The following GHR variants were observed in gnomAD, a reference collection of about 807,000 sequenced individuals.
The protein encoded by GHR is growth hormone receptor, also known as GH receptor.
A neutral mutation model predicts 67.1 loss-of-function variants in GHR; 35 were observed. The ratio of observed to expected loss-of-function variants is 0.52; its 90% CI spans 0.40 to 0.69. GHR has a LOEUF of 0.69. Ranked by LOEUF, GHR falls within the 30% of genes least tolerant of loss-of-function variation. The pLI is 0.00. For missense variants in GHR, 792 were observed against 764.6 expected (o/e 1.04, Z -0.42); for synonymous variants, 272 against 269.1 (o/e 1.01, Z -0.10).
At chr5:42,652,743 T>C (rs954917402) in intron 3 of GHR, among the ~76,000 whole-genome samples, 1 of 152,134 alleles carries the variant, frequency 6.6e-6, no homozygotes, top group Non-Finnish European at 1.5e-5. Flanking sequence ...CTGAGGTAGG[T>C]ACTGTTATCC....
intron 1 of GHR, among the ~76,000 whole-genome samples, chr5:42,502,291 T>C (rs2112234583): frequency 6.6e-6 from 1 of 152,290 alleles, no homozygotes; most frequent in East Asian, 1.9e-4. Flanking sequence ...AATTATGTTC[T>C]TATGGCAATG....
chr5:42,666,190 A>G lies in GHR; in HGVS notation c.137-22700A>G, dbSNP rs368975069. ...TTTTTCCTTTTAAATAAGTTCTACT[A>G]TCTTAACTATCACTTTCAAATATAA... On this transcript the variant is annotated intron_variant, in intron 3 of 9. Coordinates refer to ENST00000230882, the MANE Select transcript of GHR (RefSeq NM_000163.5). Among the ~76,000 whole-genome samples the G allele has an allele frequency of 3.2e-4, 49 of 152,070 alleles. No homozygotes were observed. The South Asian group carries it at 0.01, about 32-fold the overall frequency.
chr5:42,547,266 C>A (rs962941691), intron 1 of GHR, among the ~76,000 whole-genome samples: 6 of 152,114 alleles, frequency 3.9e-5, no homozygotes, highest in African/African-American at 1.2e-4. Flanking sequence ...AGCTAAAGGC[C>A]CAGCTAATTC....
intron 4 of GHR, among the ~76,000 whole-genome samples, chr5:42,691,932 G>A (rs748404423): frequency 6.6e-5 from 10 of 152,216 alleles, no homozygotes; most frequent in African/African-American, 2.2e-4. Context: ...AAGCATGTTC[G>A]AGCTGCTCTG....
rs545816763 is a variant in GHR, at chr5:42,572,852, C to T, written c.70+6908C>T. On this transcript the variant is annotated intron_variant, in intron 2 of 9. Transcript: ENST00000230882. ...TAGAAACTTTCACTAACAAGCAGGACACAGGATTGGCAGAGAGGTGGGGGT... is the reference window on the plus strand; with the variant it reads ...TAGAAACTTTCACTAACAAGCAGGATACAGGATTGGCAGAGAGGTGGGGGT... 1.4e-4 allele frequency among the ~76,000 whole-genome samples: 22 copies of T among 152,192 alleles called. No individual in the cohort carries two copies. In the South Asian group the frequency reaches 4.6e-3, roughly 32 times the overall value.
At chr5:42,711,407 C>T (rs1177132274) in intron 7 of GHR, 35 bp downstream of exon 7, 1 of 1,505,680 alleles carries the variant, frequency 6.6e-7, no homozygotes, top group Non-Finnish European at 9.2e-7. Context: ...AGTAGCTAAC[C>T]TGGCTTTTGT....
intron 2 of GHR, among the ~76,000 whole-genome samples, chr5:42,611,608 A>G (rs988438082): frequency 3.3e-5 from 5 of 152,184 alleles, no homozygotes; most frequent in African/African-American, 1.2e-4. Flanking sequence ...GGAACAGACA[A>G]ATACACAGGT....
At chr5:42,496,370 T>C (rs1746319836) in intron 1 of GHR, among the ~76,000 whole-genome samples, 1 of 152,060 alleles carries the variant, frequency 6.6e-6, no homozygotes, top group Non-Finnish European at 1.5e-5. Context: ...TTTAGCAAAT[T>C]GGAGCAATTT....
intron 1 of GHR, among the ~76,000 whole-genome samples, chr5:42,491,080 AGC>A (rs1255216289): frequency 7.5e-4 from 115 of 152,364 alleles, no homozygotes; most frequent in Admixed American, 3.2e-3. Context: ...TAAACACTGG[AGC>A]TTATGCTGTG....
intron 3 of GHR, among the ~76,000 whole-genome samples, chr5:42,683,498 T>A (rs1381188040): frequency 6.6e-6 from 1 of 152,236 alleles, no homozygotes; most frequent in Non-Finnish European, 1.5e-5. Flanking sequence ...CACTCCATGC[T>A]GCCATATTCT....
At chr5:42,474,289 GAGAA>G (rs1554054570) in intron 1 of GHR, among the ~76,000 whole-genome samples, 1 of 24,006 alleles carries the variant, frequency 4.2e-5, no homozygotes, top group African/African-American at 1.3e-4. Context: ...GAAAGAAAAA[GAGAA>G]AGAGAAAGAA....
At chr5:42,425,825 T>G (rs963531935) in intron 1 of GHR, among the ~76,000 whole-genome samples, 3 of 152,182 alleles carry the variant, frequency 2.0e-5, no homozygotes, top group Non-Finnish European at 4.4e-5. Context: ...AGCTTTTTTT[T>G]ATTGGAGTAA....
chr5:42,585,824 C>T (rs1376147865), intron 2 of GHR, among the ~76,000 whole-genome samples: 3 of 151,282 alleles, frequency 2.0e-5, no homozygotes, highest in Non-Finnish European at 2.9e-5. Flanking sequence ...TCTAAGCTAA[C>T]ATTACTAACC....
At chr5:42,702,944 A>G (rs924665791) in intron 6 of GHR, among the ~76,000 whole-genome samples, 3 of 151,890 alleles carry the variant, frequency 2.0e-5, no homozygotes, top group African/African-American at 4.8e-5. Context: ...TTAGTTCCTT[A>G]TATATTTCAG....
intron 1 of GHR, chr5:42,465,606 T>G (rs1300560553): frequency 7.3e-6 from 8 of 1,101,884 alleles, no homozygotes; most frequent in Non-Finnish European, 8.3e-6. Context: ...TGAATGTATT[T>G]GGGGGACTCT....
rs1422545387 is a variant in GHR at position 42,424,229 on chromosome 5, G to GTGTGTGT, written c.-12+274_-12+275insTGTGTGT. The stretch of plus-strand genomic sequence containing the variant: ...GTGTGTGTGTGTGTGTCTGGAAGTT[G>GTGTGTGT]GTGAGGGCGGCAGGGAGTTGCGGGC... On this transcript the variant is annotated intron_variant, in intron 1 of 9. Coordinates refer to ENST00000230882, the MANE Select transcript of GHR (RefSeq NM_000163.5). The surrounding 1 kb of genome is among the most constrained non-coding windows in gnomAD (Gnocchi z 4.1). 1.6e-5 allele frequency among the ~76,000 whole-genome samples: 2 copies of GTGTGTGT among 122,800 alleles called. No homozygotes were observed. The highest frequency in any genetic ancestry group is 3.0e-5 in the African/African-American group (1 of 33,070). The allele number at this position is 122,800 out of a possible 152,430, so 80.6% of individuals were successfully genotyped here. A position where few individuals can be genotyped will look rare whatever the true frequency, so the allele number is the denominator to read the frequency against.
At chr5:42,514,156 G>A (rs888991450) in intron 1 of GHR, 6 of 984,592 alleles carry the variant, frequency 6.1e-6, no homozygotes, top group Non-Finnish European at 7.2e-6. Flanking sequence ...TGAATTCACT[G>A]GGCGCATCTT....
At chr5:42,514,412 A>G (rs1401205375) in intron 1 of GHR, 1 of 692,940 alleles carries the variant, frequency 1.4e-6, no homozygotes, top group East Asian at 1.3e-4. Context: ...AAAGTTACTT[A>G]TATCTGGGGC....
At position 42,565,945 on chromosome 5, in the gene GHR, G is replaced by T. The variant is rs1370477353; in HGVS notation, c.70+1G>T. On this transcript the variant is annotated splice_donor_variant, in intron 2 of 9. Transcript: ENST00000230882. LOFTEE classifies it high-confidence loss of function. ...AGTGATGCTTTTTCTGGAAGTGAGG[G>T]TGAGTTCTGCTTTTCCATTTCCACC... The T allele has an allele frequency of 1.9e-6, 3 of 1,613,914 alleles. No homozygotes were observed. The highest frequency in any genetic ancestry group is 2.7e-5 in the African/African-American group (2 of 74,904).
Sources: gnomAD v4.1 joint callset for allele counts (sites outside exome capture counted in the v4.1 genomes callset) on GRCh38, gnomAD v4.1.1 for gene constraint, Gnocchi (gnomAD v3.1) non-coding constraint, MANE v1.5 for transcripts, NCBI Gene and HGNC (gene_info 2026-07-23, HGNC 2026-07-21) for gene names.